Variants in THRB observed in about 807,000 individuals in gnomAD.
THRB encodes the protein thyroid hormone receptor beta, also known as nuclear receptor subfamily 1 group A member 2.
In THRB, 12 loss-of-function variants were observed where a neutral mutation model predicts 47.8. The observed-to-expected ratio is 0.25, with a 90% CI of 0.16 to 0.41. The LOEUF is 0.41. Among genes scored for constraint, THRB ranks in the 10% least tolerant of loss-of-function variants. The probability of loss-of-function intolerance (pLI) is 1.00; values close to 1 mark genes in which losing one functional copy is unlikely to be tolerated. For synonymous variants in THRB, 218 were observed against 212.2 expected (o/e 1.03, Z -0.24); for missense variants, 348 against 589.2 (o/e 0.59, Z 4.24).
chr3:24,208,085 CT>C (rs2045596513), intron 4 of THRB, among the ~76,000 whole-genome samples: 1 of 151,920 alleles, frequency 6.6e-6, no homozygotes, highest in South Asian at 2.1e-4. Flanking sequence ...ATGAGTGAAC[CT>C]TAATTCACAA....
intron 1 of THRB, among the ~76,000 whole-genome samples, chr3:24,391,794 C>T (rs2066591625): frequency 6.6e-6 from 1 of 152,156 alleles, no homozygotes; most frequent in African/African-American, 2.4e-5. Context: ...TCATCATCAC[C>T]ATTATTGCTT....
At chr3:24,229,250 T>C (rs956213740) in intron 3 of THRB, among the ~76,000 whole-genome samples, 4 of 152,164 alleles carry the variant, frequency 2.6e-5, no homozygotes, top group South Asian at 2.1e-4. Context: ...AGCGCACATT[T>C]TTCCATCTCA....
Position 24,190,068 on chromosome 3 carries a change from G to C in THRB, c.283+6C>G. 1.2e-6 allele frequency: 2 copies of C among 1,613,826 alleles called. No homozygotes were observed. Among genetic ancestry groups the C allele is most frequent in the Non-Finnish European group, 8.5e-7 (1 of 1,179,758 alleles). Reference sequence around the variant, plus strand: ...CATGATAATGGGCTAATAAAAATCTGGTTACCTTTACATTTCTTCTCCTCC... The same window carrying C: ...CATGATAATGGGCTAATAAAAATCTCGTTACCTTTACATTTCTTCTCCTCC... On this transcript the variant is annotated splice_donor_region_variant and intron_variant, in intron 5 of 10. Coordinates refer to ENST00000646209, the MANE Select transcript of THRB (RefSeq NM_001354712.2).
At chr3:24,374,167 G>A (rs1291794221) in intron 1 of THRB, among the ~76,000 whole-genome samples, 3 of 152,064 alleles carry the variant, frequency 2.0e-5, no homozygotes, top group Non-Finnish European at 4.4e-5. Context: ...GAAAAGAGAC[G>A]TACAGGGAAT....
chr3:24,255,363 T>C (rs1041176289), intron 3 of THRB, among the ~76,000 whole-genome samples: 4 of 152,208 alleles, frequency 2.6e-5, no homozygotes, highest in Admixed American at 6.5e-5. Flanking sequence ...TATAATACAA[T>C]ATATACATAT....
intron 1 of THRB, among the ~76,000 whole-genome samples, chr3:24,373,030 G>A (rs2065030565): frequency 6.6e-6 from 1 of 152,060 alleles, no homozygotes; most frequent in Non-Finnish European, 1.5e-5. Flanking sequence ...ATCAGCCTAA[G>A]TGGGCAAGAC....
intron 1 of THRB, among the ~76,000 whole-genome samples, chr3:24,384,162 T>C (rs917232773): frequency 6.6e-6 from 1 of 152,100 alleles, no homozygotes; most frequent in African/African-American, 2.4e-5. Context: ...GTTGAAGAAA[T>C]GGGCCTCAGA....
intron 1 of THRB, among the ~76,000 whole-genome samples, chr3:24,456,607 A>T (rs973143795): frequency 2.0e-5 from 3 of 150,660 alleles, no homozygotes; most frequent in Non-Finnish European, 4.4e-5. Flanking sequence ...TTAAAACATT[A>T]AATTAAAATT....
At chr3:24,312,270 T>C (rs2057808946) in intron 2 of THRB, among the ~76,000 whole-genome samples, 1 of 152,246 alleles carries the variant, frequency 6.6e-6, no homozygotes. Flanking sequence ...CTGTGGTAAT[T>C]GTCTGGGTCC....
chr3:24,440,368 T>G (rs991131074), intron 1 of THRB, among the ~76,000 whole-genome samples: 4 of 152,124 alleles, frequency 2.6e-5, no homozygotes, highest in Non-Finnish European at 5.9e-5. Context: ...TAAGAGTGGA[T>G]CCTCATAGCC....
At chr3:24,451,085 C>T (rs1367423188) in intron 1 of THRB, among the ~76,000 whole-genome samples, 4 of 152,092 alleles carry the variant, frequency 2.6e-5, no homozygotes, top group African/African-American at 7.2e-5. Context: ...TAAATATTTC[C>T]TTGTGATACA....
At chr3:24,492,099 C>T (rs1698229351) in intron 1 of THRB, among the ~76,000 whole-genome samples, 1 of 152,230 alleles carries the variant, frequency 6.6e-6, no homozygotes, top group Non-Finnish European at 1.5e-5. Flanking sequence ...GCCCAACTGG[C>T]ACCCACTTAG....
chr3:24,391,644 T>C (rs2066576351), intron 1 of THRB, among the ~76,000 whole-genome samples: 1 of 152,172 alleles, frequency 6.6e-6, no homozygotes, highest in Non-Finnish European at 1.5e-5. Context: ...CCATTTAAAT[T>C]CCAAACCTAA....
rs2031784784 is a variant in THRB at position 24,122,065 on chromosome 3, T to A, written c.*819A>T. ...TGCCACCCTGTAAATAGGTTTGATT[T>A]CTGTAAAAGTGTTCTCTGAGCCTAA... On this transcript the variant is annotated 3_prime_UTR_variant, in exon 11 of 11. Transcript: ENST00000646209. 6.5e-6 allele frequency: 1 copy of A among 152,684 alleles called. No individual in the cohort carries two copies. The highest frequency in any genetic ancestry group is 2.4e-5 in the African/African-American group (1 of 41,454). The allele number at this position is 152,684 out of a possible 1,614,324, so 9.5% of individuals were successfully genotyped here. A position where few individuals can be genotyped will look rare whatever the true frequency, so the allele number is the denominator to read the frequency against.
At chr3:24,320,356 C>T (rs577226584) in intron 2 of THRB, among the ~76,000 whole-genome samples, 44 of 152,264 alleles carry the variant, frequency 2.9e-4, no homozygotes, top group African/African-American at 7.7e-4. Context: ...CGGATTATCA[C>T]GTGAGGAGCT....
chr3:24,378,189 C>T (rs1225306394), intron 1 of THRB, among the ~76,000 whole-genome samples: 1 of 152,102 alleles, frequency 6.6e-6, no homozygotes. Flanking sequence ...GAAAAAAAAT[C>T]ACACTTTTCC....
intron 1 of THRB, among the ~76,000 whole-genome samples, chr3:24,349,762 T>G (rs1266094394): frequency 6.6e-6 from 1 of 152,060 alleles, no homozygotes; most frequent in East Asian, 1.9e-4. Flanking sequence ...CATATGGGAA[T>G]ATATTCATGA....
In THRB at chr3:24,152,386, T is replaced by C; in HGVS notation, c.384+4A>G. The C allele has an allele frequency of 6.3e-7, 1 of 1,593,926 alleles. No homozygotes were observed. The highest frequency in any genetic ancestry group is 8.6e-7 in the Non-Finnish European group (1 of 1,161,898). ...CTCTGTGCTTGTGGACCCAGGGCAA[T>C]TACCTTGCAGCCTTCACACGTGATA... On this transcript the variant is annotated splice_donor_region_variant and intron_variant, in intron 6 of 10. Coordinates refer to ENST00000646209, the MANE Select transcript of THRB (RefSeq NM_001354712.2).
chr3:24,324,258 G>C (rs2058670120), intron 2 of THRB, among the ~76,000 whole-genome samples: 1 of 151,714 alleles, frequency 6.6e-6, no homozygotes, highest in African/African-American at 2.4e-5. Flanking sequence ...CTTCTCTGTG[G>C]TGCTTTGTCC....
Sources: gnomAD v4.1 joint callset for allele counts (sites outside exome capture counted in the v4.1 genomes callset) on GRCh38, gnomAD v4.1.1 for gene constraint, MANE v1.5 for transcripts, NCBI Gene and HGNC (gene_info 2026-07-23, HGNC 2026-07-21) for gene names.